TRIM55: variants seen among roughly 807,000 people sequenced by gnomAD.
The protein encoded by TRIM55 is tripartite motif containing 55, also known as tripartite motif-containing protein 55.
A neutral mutation model predicts 60.9 loss-of-function variants in TRIM55; 50 were observed. That is an observed-to-expected ratio of 0.82 (90% CI 0.65 to 1.04). The LOEUF (loss-of-function observed/expected upper bound fraction) is 1.04. Ranked by LOEUF, TRIM55 falls within the 50% of genes least tolerant of loss-of-function variation. The pLI, the probability that TRIM55 is intolerant of heterozygous loss-of-function variation, is 0.00. For synonymous variants in TRIM55, 237 were observed against 238.1 expected, an observed-to-expected ratio of 1.00 and a Z score of 0.04; for missense variants, 681 against 666.9, an observed-to-expected ratio of 1.02 and a Z score of -0.23.
Position 66,137,150 on chromosome 8 carries a change from G to T in TRIM55, c.563G>T (p.Gly188Val). ...GTGGGCAGCAACGATCGAGTCCAGGGAGTGATCAGCCAGCTGGAAGACACC... is the reference window on the plus strand; with the variant it reads ...GTGGGCAGCAACGATCGAGTCCAGGTAGTGATCAGCCAGCTGGAAGACACC... ...ILVGSNDRVQ[G>V]VISQLEDTCK... The change falls in exon 4 of 10, where the codon GGA becomes GTA. Residue 188 changes from glycine (G) to valine (V), a missense_variant. Physicochemically the swap from Gly to Val is moderately radical, Grantham distance 109. Coordinates refer to ENST00000315962, the MANE Select transcript of TRIM55 (RefSeq NM_184085.2). The T allele has an allele frequency of 1.2e-6, 2 of 1,614,156 alleles. No homozygotes were observed. Among genetic ancestry groups the T allele is most frequent in the Middle Eastern group, 1.7e-4 (1 of 6,058 alleles).
chr8:66,117,376 A>G, the TRIM55 span, among the ~76,000 whole-genome samples: 6 of 152,274 alleles, frequency 3.9e-5, no homozygotes. Flanking sequence ...TATTGGTTAC[A>G]TGTTGAAATG....
chr8:66,172,406 GC>G (rs1811692364), intron 9 of TRIM55, among the ~76,000 whole-genome samples: 1 of 152,142 alleles, frequency 6.6e-6, no homozygotes, highest in Admixed American at 6.5e-5. Context: ...GATAACCTCT[GC>G]TATTGGATAA....
chr8:66,141,909 A>G (rs1809838825), intron 4 of TRIM55, among the ~76,000 whole-genome samples: 1 of 152,238 alleles, frequency 6.6e-6, no homozygotes, highest in Non-Finnish European at 1.5e-5. Flanking sequence ...AATATGAAGT[A>G]TGAATATAAT....
chr8:66,145,632 T>C (rs1810056804), intron 4 of TRIM55, among the ~76,000 whole-genome samples: 1 of 152,098 alleles, frequency 6.6e-6, no homozygotes, highest in Non-Finnish European at 1.5e-5. Flanking sequence ...TTAAAAAATC[T>C]ACCTTAAGCA....
At chr8:66,149,360 T>C (rs1426273387) in intron 4 of TRIM55, among the ~76,000 whole-genome samples, 2 of 152,204 alleles carry the variant, frequency 1.3e-5, no homozygotes, top group Non-Finnish European at 2.9e-5. Context: ...AAATCATTCT[T>C]TATTTCTATG....
intron 4 of TRIM55, among the ~76,000 whole-genome samples, chr8:66,145,849 C>A (rs1810068560): frequency 6.6e-6 from 1 of 152,164 alleles, no homozygotes; most frequent in Non-Finnish European, 1.5e-5. Context: ...ACAAGCACTT[C>A]ATATAATTTT....
chr8:66,163,218 A>C (rs750599967), intron 9 of TRIM55, among the ~76,000 whole-genome samples: 10 of 152,116 alleles, frequency 6.6e-5, no homozygotes, highest in East Asian at 1.9e-4. Context: ...TTTAAAAAAA[A>C]CCCAGCTTTT....
At chr8:66,150,932 C>G (rs995793936) in intron 7 of TRIM55, among the ~76,000 whole-genome samples, 1 of 152,174 alleles carries the variant, frequency 6.6e-6, no homozygotes, top group Non-Finnish European at 1.5e-5. Flanking sequence ...TCCCAAAGTG[C>G]TGGGATTACA....
rs147341587 is a variant in TRIM55 at position 66,154,241 on chromosome 8, G to A, written c.1431G>A (p.Ser477=). 9.3e-6 allele frequency: 15 copies of A among 1,614,008 alleles called. No individual in the cohort carries two copies. The African/African-American group carries it at 1.2e-4, about 13-fold the overall frequency. Residue 477 remains serine, a synonymous_variant, in exon 9 of 10, where the codon TCG becomes TCA. Transcript: ENST00000315962. Reference sequence around the variant, plus strand: ...TAGGGCCTCCAGGTTCTGAGGATTCGAATGTACGGAAGGCAGAAGTGGCAG... The same window carrying A: ...TAGGGCCTCCAGGTTCTGAGGATTCAAATGTACGGAAGGCAGAAGTGGCAG... ...GQIGPPGSED[S]NVRKAEVAAA...
chr8:66,161,247 T>C (rs1586243005), intron 9 of TRIM55, among the ~76,000 whole-genome samples: 2 of 152,190 alleles, frequency 1.3e-5, no homozygotes, highest in Non-Finnish European at 2.9e-5. Context: ...TACATGTGGC[T>C]TGCCAATTAT....
chr8:66,150,297 C>T, intron 6 of TRIM55, 45 bp from the exon 7 acceptor site: 9 of 1,613,854 alleles, frequency 5.6e-6, no homozygotes, highest in Non-Finnish European at 7.6e-6. Flanking sequence ...CAAGGCTATC[C>T]AATTTTCAAC....
intron 9 of TRIM55, among the ~76,000 whole-genome samples, chr8:66,160,870 T>G (rs1482365999): frequency 6.6e-6 from 1 of 151,760 alleles, no homozygotes; most frequent in African/African-American, 2.4e-5. Context: ...GGGATTGTTT[T>G]TTTTTTTTTC....
Position 66,174,490 on chromosome 8 carries a change from C to T in TRIM55, c.1544C>T (p.Pro515Leu), listed in dbSNP as rs868343010. The part of the protein sequence containing the change: ...ATSQIGFEAP[P>L]LQGQAAAPAS... ...TTGCAGATTGGATTTGAGGCTCCTCCCCTCCAGGGACAGGCTGCAGCTCCA... is the reference window on the plus strand; with the variant it reads ...TTGCAGATTGGATTTGAGGCTCCTCTCCTCCAGGGACAGGCTGCAGCTCCA... Residue 515 changes from proline to leucine, a missense_variant, in exon 10 of 10, where the codon CCC becomes CTC. By Grantham distance (98) the Pro-to-Leu change is moderately conservative. Coordinates refer to ENST00000315962, the MANE Select transcript of TRIM55 (RefSeq NM_184085.2). 1.2e-6 allele frequency: 2 copies of T among 1,611,746 alleles called. No homozygotes were observed. The highest frequency in any genetic ancestry group is 2.2e-5 in the East Asian group (1 of 44,652).
At chr8:66,144,424 G>A (rs1269337988) in intron 4 of TRIM55, among the ~76,000 whole-genome samples, 2 of 152,180 alleles carry the variant, frequency 1.3e-5, no homozygotes, top group Non-Finnish European at 2.9e-5. Context: ...CTCCCAAGAA[G>A]CCAAGAAATA....
At chr8:66,124,459 A>G (rs769431956), upstream of TRIM55, among the ~76,000 whole-genome samples, 3 of 152,130 alleles carry the variant, frequency 2.0e-5, no homozygotes, top group East Asian at 5.8e-4. Context: ...GTGCATGCCC[A>G]TGTTGCTGCT....
At chr8:66,113,484 C>T in the TRIM55 span, 2 of 455,290 alleles carry the variant, frequency 4.4e-6, no homozygotes, top group East Asian at 7.0e-5. Flanking sequence ...TTTTCTCCAG[C>T]TCCCGATGAC....
chr8:66,140,294 G>A (rs929157937), intron 4 of TRIM55, among the ~76,000 whole-genome samples: 2 of 152,252 alleles, frequency 1.3e-5, no homozygotes, highest in African/African-American at 2.4e-5. Context: ...TAAGGGCAGC[G>A]AATAGTGGGA....
At position 66,154,244 on chromosome 8, in the gene TRIM55, T is replaced by A. The variant is rs148586540; in HGVS notation, c.1434T>A (p.Asn478Lys). The A allele has an allele frequency of 3.1e-6, 5 of 1,614,028 alleles. No individual in the cohort carries two copies. Among genetic ancestry groups the A allele is most frequent in the Non-Finnish European group, 4.2e-6 (5 of 1,179,988 alleles). Residue 478 changes from asparagine (N) to lysine (K), a missense_variant, in exon 9 of 10, where the codon AAT becomes AAA. Physicochemically the swap from Asn to Lys is moderately conservative, Grantham distance 94. Coordinates refer to ENST00000315962, the MANE Select transcript of TRIM55 (RefSeq NM_184085.2). ...GGCCTCCAGGTTCTGAGGATTCGAATGTACGGAAGGCAGAAGTGGCAGCAG... is the reference window on the plus strand; with the variant it reads ...GGCCTCCAGGTTCTGAGGATTCGAAAGTACGGAAGGCAGAAGTGGCAGCAG... ...QIGPPGSEDSNVRKAEVAAAA... is the reference protein window; with the variant it reads ...QIGPPGSEDSKVRKAEVAAAA...
intron 9 of TRIM55, among the ~76,000 whole-genome samples, chr8:66,162,493 G>A (rs926749609): frequency 6.7e-6 from 1 of 148,150 alleles, no homozygotes; most frequent in African/African-American, 2.5e-5. Context: ...TTTTTGTAAT[G>A]TCCTCCCCTG....
Sources: gnomAD v4.1 joint callset for allele counts (sites outside exome capture counted in the v4.1 genomes callset) on GRCh38, gnomAD v4.1.1 for gene constraint, MANE v1.5 for transcripts, NCBI Gene and HGNC (gene_info 2026-07-23, HGNC 2026-07-21) for gene names.